CCDC68: variants seen among roughly 807,000 people sequenced by gnomAD.
CCDC68 encodes the protein coiled-coil domain-containing protein 68.
CCDC68 carries 45 observed loss-of-function variants against 47.1 expected under a neutral mutation model. The observed-to-expected ratio is 0.96, with a 90% CI of 0.75 to 1.23. CCDC68 has a LOEUF of 1.23. CCDC68 is among the 50% of genes most tolerant of loss of function. CCDC68 has a pLI of 0.00. For missense variants in CCDC68, 353 were observed against 373.6 expected (o/e 0.94, Z 0.45); for synonymous variants, 131 against 129.5 (o/e 1.01, Z -0.08).
chr18:54,917,394 T>C (rs555497030), intron 10 of CCDC68, among the ~76,000 whole-genome samples: 46 of 151,692 alleles, frequency 3.0e-4, no homozygotes, highest in African/African-American at 1.0e-3. Flanking sequence ...TACACAAGAG[T>C]AGATTTGAGC....
intron 1 of CCDC68, chr18:54,959,040 TAAC>T (rs1014427740): frequency 1.3e-5 from 2 of 152,194 alleles, no homozygotes; most frequent in African/African-American, 2.4e-5. Flanking sequence ...ACGGATTGTA[TAAC>T]AACAACCTAA....
chr18:54,904,568 C>A (rs1043901521), intron 11 of CCDC68, among the ~76,000 whole-genome samples, 153 bp from the exon 12 acceptor site: 2 of 152,158 alleles, frequency 1.3e-5, no homozygotes, highest in African/African-American at 4.8e-5. Context: ...GTATTCTGAC[C>A]AGTTCCCCAT....
rs78356181 is a variant in CCDC68, at chr18:54,952,044, G to T, written c.-102-6567C>A. On this transcript the variant is annotated intron_variant, in intron 1 of 11. Transcript: ENST00000591504. ...CATTAAATTAATATTAAATCATAAT[G>T]TTTATACTCACAACTTATTGTGGAC... 6.8e-4 allele frequency among the ~76,000 whole-genome samples: 103 copies of T among 152,320 alleles called. 1 individual carries two copies. In the East Asian group the frequency reaches 0.019, roughly 28 times the overall value.
intron 7 of CCDC68, among the ~76,000 whole-genome samples, chr18:54,930,793 A>C (rs2044242946): frequency 6.7e-6 from 1 of 149,288 alleles, no homozygotes; most frequent in African/African-American, 2.5e-5. Flanking sequence ...ATCCTGGCTC[A>C]CTGCAACCTC....
chr18:54,933,547 A>T (rs2044298247), intron 7 of CCDC68, among the ~76,000 whole-genome samples: 1 of 152,222 alleles, frequency 6.6e-6, no homozygotes, highest in South Asian at 2.1e-4. Context: ...TCTTTCCTTA[A>T]TGCAAACATT....
At chr18:54,924,688 G>A (rs1243883374) in intron 8 of CCDC68, among the ~76,000 whole-genome samples, 1 of 152,170 alleles carries the variant, frequency 6.6e-6, no homozygotes, top group Non-Finnish European at 1.5e-5. Flanking sequence ...AACATGGGAT[G>A]ATCATAGAAG....
At position 54,936,966 on chromosome 18, in the gene CCDC68, A is replaced by G; in HGVS notation, c.346-8T>C. Reference sequence around the variant, plus strand: ...TTCTCTGGAGGCTTGCAGCTAGAAAAAAGGTCACTATGCATGTTCTGACAT... The same window carrying G: ...TTCTCTGGAGGCTTGCAGCTAGAAAGAAGGTCACTATGCATGTTCTGACAT... On this transcript the variant is annotated splice_polypyrimidine_tract_variant and splice_region_variant and intron_variant, in intron 5 of 11. Transcript: ENST00000591504. The G allele has an allele frequency of 6.2e-7, 1 of 1,614,096 alleles. No homozygotes were observed. Among genetic ancestry groups the G allele is most frequent in the Non-Finnish European group, 8.5e-7 (1 of 1,179,982 alleles).
intron 7 of CCDC68, among the ~76,000 whole-genome samples, chr18:54,932,514 A>T (rs565354334): frequency 6.6e-6 from 1 of 152,202 alleles, no homozygotes; most frequent in African/African-American, 2.4e-5. Context: ...ATTTTAAATA[A>T]AACTGCACAT....
Position 54,922,347 on chromosome 18 carries a change from G to A in CCDC68, c.684-2971C>T, listed in dbSNP as rs564294879. ...GGCAAACATTCTGAACAAACAGTGA[G>A]AAGGCTTACCGCCCACAGAGAATCT... On this transcript the variant is annotated intron_variant, in intron 8 of 11. Transcript: ENST00000591504. Among the ~76,000 whole-genome samples the A allele has an allele frequency of 2.0e-5, 3 of 152,284 alleles. No individual in the cohort carries two copies. In the South Asian group the frequency reaches 6.2e-4, roughly 32 times the overall value.
chr18:54,909,200 G>A (rs1251543303), intron 10 of CCDC68, among the ~76,000 whole-genome samples: 5 of 152,050 alleles, frequency 3.3e-5, no homozygotes, highest in Non-Finnish European at 5.9e-5. Flanking sequence ...GGGATCATGA[G>A]CAATGCTGAG....
intron 7 of CCDC68, among the ~76,000 whole-genome samples, chr18:54,932,025 T>C (rs1026964902): frequency 6.6e-6 from 1 of 152,172 alleles, no homozygotes; most frequent in African/African-American, 2.4e-5. Context: ...AAAGGCCCAG[T>C]ACACCCTCCC....
At position 54,944,079 on chromosome 18, in the gene CCDC68, G is replaced by A. The variant is rs146243294; in HGVS notation, c.-12-1276C>T. 3.1e-3 allele frequency among the ~76,000 whole-genome samples: 467 copies of A among 152,192 alleles called. 3 individuals are homozygous for A. The highest frequency in any genetic ancestry group is 5.5e-3 in the Non-Finnish European group (377 of 68,004). On this transcript the variant is annotated intron_variant, in intron 2 of 11. Transcript: ENST00000591504. The stretch of plus-strand genomic sequence containing the variant: ...GAAGCACAAGAATCACTTGAACCCA[G>A]GAGGTACAAAATAATGATTTATTTT...
intron 1 of CCDC68, 164 bp downstream of exon 1, chr18:54,959,172 G>C (rs141702039): frequency 6.6e-6 from 1 of 152,380 alleles, no homozygotes; most frequent in East Asian, 1.9e-4. Flanking sequence ...GAGGTTTCCA[G>C]GGAGGATTAC....
chr18:54,918,475 G>C (rs1490159092), intron 9 of CCDC68, among the ~76,000 whole-genome samples: 1 of 152,216 alleles, frequency 6.6e-6, no homozygotes, highest in Non-Finnish European at 1.5e-5. Context: ...GCAAAGCAGT[G>C]TAAGAAGAGA....
In CCDC68 at chr18:54,904,156, T is replaced by C; in HGVS notation, c.*202A>G. The C allele has an allele frequency of 2.5e-6, 1 of 403,040 alleles. No individual in the cohort carries two copies. The highest frequency in any genetic ancestry group is 3.8e-5 in the East Asian group (1 of 26,302). 25.0% of individuals were successfully genotyped at this position (403,040 alleles called of 1,614,324 possible). A position where few individuals can be genotyped will look rare whatever the true frequency, so the allele number is the denominator to read the frequency against. On this transcript the variant is annotated 3_prime_UTR_variant, in exon 12 of 12. Transcript: ENST00000591504. ...GAAGGCACCTGGTTTCTTCAACTAT[T>C]TGGTAAGTTTTGAAGAGTCCATCCA...
chr18:54,933,911 G>T (rs904063289), intron 7 of CCDC68, among the ~76,000 whole-genome samples: 4 of 152,062 alleles, frequency 2.6e-5, no homozygotes, highest in African/African-American at 9.7e-5. Flanking sequence ...AACAAATCAA[G>T]TTTCCTTTGG....
chr18:54,935,294 T>C (rs1273078098), intron 6 of CCDC68, among the ~76,000 whole-genome samples: 6 of 152,202 alleles, frequency 3.9e-5, no homozygotes, highest in African/African-American at 1.4e-4. Context: ...AAACCTTACA[T>C]GTTCAATTAA....
intron 1 of CCDC68, among the ~76,000 whole-genome samples, chr18:54,950,356 A>G (rs368103357): frequency 1.0e-3 from 159 of 152,356 alleles, no homozygotes; most frequent in African/African-American, 3.8e-3. Context: ...GAGGCTAACC[A>G]TGTCCTGAAT....
intron 10 of CCDC68, among the ~76,000 whole-genome samples, chr18:54,908,664 C>T (rs1260389955): frequency 1.3e-5 from 2 of 152,170 alleles, no homozygotes; most frequent in Non-Finnish European, 2.9e-5. Flanking sequence ...GTCAAGTGCT[C>T]AGCTAGTGCC....
Sources: allele counts gnomAD v4.1 joint callset (sites outside exome capture counted in the v4.1 genomes callset), GRCh38; gene constraint gnomAD v4.1.1; transcripts MANE v1.5; gene names NCBI Gene and HGNC (gene_info 2026-07-23, HGNC 2026-07-21).